Variants in PARD3 observed in about 807,000 individuals in gnomAD.
The protein encoded by PARD3 is par-3 family cell polarity regulator, also known as partitioning defective 3 homolog.
Under a neutral mutation model 155.4 loss-of-function variants are expected in PARD3, and 75 were observed. That is an observed-to-expected ratio of 0.48 (90% CI 0.40 to 0.58). PARD3 has a LOEUF of 0.58. Ranked by LOEUF, PARD3 falls within the 20% of genes least tolerant of loss-of-function variation. The pLI is 0.00. For missense variants in PARD3, 1,642 were observed against 1,721.7 expected (o/e 0.95, Z 0.82); for synonymous variants, 576 against 610.5 (o/e 0.94, Z 0.83).
chr10:34,785,910 G>T (rs951816067), intron 1 of PARD3, among the ~76,000 whole-genome samples: 1 of 152,142 alleles, frequency 6.6e-6, no homozygotes, highest in African/African-American at 2.4e-5. Flanking sequence ...GAAGCACTTT[G>T]TATGTTCGCC....
intron 5 of PARD3, among the ~76,000 whole-genome samples, chr10:34,406,906 GTGACACTGGCTAT>G (rs545084740): frequency 3.0e-4 from 46 of 152,248 alleles, no homozygotes; most frequent in Admixed American, 1.1e-3. Context: ...GCCATGTGCT[GTGACACTGGCTAT>G]TGACTGAAAT....
At chr10:34,734,179 A>T (rs894481752) in intron 1 of PARD3, among the ~76,000 whole-genome samples, 1 of 152,110 alleles carries the variant, frequency 6.6e-6, no homozygotes, top group Non-Finnish European at 1.5e-5. Context: ...ATAATGCCTT[A>T]TCAGTTACTC....
chr10:34,355,743 A>G (rs1303207093), intron 14 of PARD3, among the ~76,000 whole-genome samples: 2 of 152,028 alleles, frequency 1.3e-5, no homozygotes, highest in Admixed American at 1.3e-4. Context: ...CCTGACCAAC[A>G]TGGTGAAACC....
intron 19 of PARD3, among the ~76,000 whole-genome samples, chr10:34,321,512 G>A (rs1222986084): frequency 6.6e-6 from 1 of 152,068 alleles, no homozygotes; most frequent in Non-Finnish European, 1.5e-5. Flanking sequence ...CAACATTTCT[G>A]CCTGTTTAAA....
chr10:34,720,062 G>A (rs1174814628), intron 1 of PARD3, among the ~76,000 whole-genome samples: 1 of 152,220 alleles, frequency 6.6e-6, no homozygotes, highest in Non-Finnish European at 1.5e-5. Context: ...TTATGGTGCA[G>A]GGTATGTTAG....
At position 34,382,568 on chromosome 10, in the gene PARD3, G is replaced by C; in HGVS notation, c.1371C>G (p.Gly457=). 1 of 1,613,260 alleles carries C rather than the reference G, an allele frequency of 6.2e-7. No homozygotes were observed. The highest frequency in any genetic ancestry group is 8.5e-7 in the Non-Finnish European group (1 of 1,179,926). The change falls in exon 9 of 25, where the codon GGC becomes GGG. Residue 457 remains glycine, a synonymous_variant. Coordinates refer to ENST00000374788, the MANE Select transcript of PARD3 (RefSeq NM_001184785.2). ...VSSGYNTKKI[G]KRLNIQLKKG... is the part of the protein sequence containing the mutation. ...TCTTAAGCTGGATATTAAGCCTCTT[G>C]CCTATTTTTTTGGTGTTATAACCAC... is the stretch of plus-strand genomic sequence containing the variant.
At chr10:34,783,958 C>G (rs1469478135) in intron 1 of PARD3, among the ~76,000 whole-genome samples, 1 of 152,116 alleles carries the variant, frequency 6.6e-6, no homozygotes, top group East Asian at 1.9e-4. Context: ...GCTGTAGACC[C>G]AGTACTTTAA....
At chr10:34,309,047 G>C (rs1230682595) in intron 20 of PARD3, among the ~76,000 whole-genome samples, 1 of 152,154 alleles carries the variant, frequency 6.6e-6, no homozygotes, top group African/African-American at 2.4e-5. Context: ...CTGGTGACCT[G>C]GACGAGAACA....
chr10:34,220,627 A>C (rs760276588), intron 22 of PARD3, among the ~76,000 whole-genome samples: 14 of 152,188 alleles, frequency 9.2e-5, no homozygotes, highest in Non-Finnish European at 1.6e-4. Flanking sequence ...AGGAATGCCT[A>C]ATTCTGCCTT....
chr10:34,273,539 G>C (rs1158859934), intron 21 of PARD3, among the ~76,000 whole-genome samples: 2 of 152,164 alleles, frequency 1.3e-5, no homozygotes, highest in Non-Finnish European at 2.9e-5. Flanking sequence ...TGTAGGAGTG[G>C]CTACACTAAT....
At chr10:34,355,924 C>CAAAAAAAAAAAAA (rs869284165) in intron 14 of PARD3, among the ~76,000 whole-genome samples, 12 of 42,726 alleles carry the variant, frequency 2.8e-4, no homozygotes, top group Non-Finnish European at 4.4e-4. Context: ...CACTCCGTCT[C>CAAAAAAAAAAAAA]AAAAAAAAAA....
chr10:34,535,252 A>C (rs770374148), intron 2 of PARD3, among the ~76,000 whole-genome samples: 1 of 152,186 alleles, frequency 6.6e-6, no homozygotes, highest in Non-Finnish European at 1.5e-5. Context: ...AAATTCTTCT[A>C]ACACATTAGC....
intron 7 of PARD3, 69 bp from the exon 8 acceptor site, chr10:34,384,323 A>G: frequency 2.2e-6 from 3 of 1,357,798 alleles, no homozygotes; most frequent in Non-Finnish European, 3.0e-6. Flanking sequence ...TTACCACTTT[A>G]ATGCTGTTAT....
chr10:34,616,752 C>G (rs1008354986), intron 2 of PARD3, among the ~76,000 whole-genome samples: 1 of 151,860 alleles, frequency 6.6e-6, no homozygotes, highest in Non-Finnish European at 1.5e-5. Context: ...CCAACCTGGG[C>G]AACACAGGGA....
intron 2 of PARD3, among the ~76,000 whole-genome samples, chr10:34,623,825 C>G (rs2091834791): frequency 6.7e-6 from 1 of 149,754 alleles, no homozygotes. Flanking sequence ...ACTAAAAATA[C>G]AAAAAATTAG....
At chr10:34,332,860 C>T (rs924660956) in intron 18 of PARD3, among the ~76,000 whole-genome samples, 1 of 151,996 alleles carries the variant, frequency 6.6e-6, no homozygotes, top group Non-Finnish European at 1.5e-5. Flanking sequence ...CAATTTTTGA[C>T]AACTGCATTT....
intron 1 of PARD3, among the ~76,000 whole-genome samples, chr10:34,709,774 G>A (rs537163041): frequency 1.6e-4 from 24 of 152,260 alleles, no homozygotes; most frequent in South Asian, 4.1e-4. Context: ...ATGTCATCCC[G>A]GGGCCTCCTA....
At chr10:34,331,754 T>A (rs947719746) in intron 18 of PARD3, among the ~76,000 whole-genome samples, 5 of 48,726 alleles carry the variant, frequency 1.0e-4, no homozygotes, top group Admixed American at 4.0e-4. Flanking sequence ...AATTAAAACC[T>A]TTTTTTTTTT....
intron 2 of PARD3, among the ~76,000 whole-genome samples, chr10:34,677,736 C>A (rs2093735308): frequency 6.6e-6 from 1 of 152,168 alleles, no homozygotes; most frequent in Non-Finnish European, 1.5e-5. Flanking sequence ...CAGGGGGACA[C>A]AGATACCATG....
Sources: gnomAD v4.1 joint callset for allele counts (sites outside exome capture counted in the v4.1 genomes callset) on GRCh38, gnomAD v4.1.1 for gene constraint, MANE v1.5 for transcripts, NCBI Gene and HGNC (gene_info 2026-07-23, HGNC 2026-07-21) for gene names.